The following RPA3 variants were observed in gnomAD, a reference collection of about 807,000 sequenced individuals.
The protein encoded by RPA3 is replication protein A3.
RPA3 carries 24 observed loss-of-function variants against 13.7 expected under a neutral mutation model. The ratio of observed to expected loss-of-function variants is 1.75; its 90% confidence interval spans 1.27 to 2.46. The LOEUF is 2.46. Ranked by LOEUF, RPA3 falls within the 30% of genes most tolerant of loss-of-function variation. RPA3 has a pLI of 0.00. For missense variants in RPA3, 183 were observed against 151.0 expected, an observed-to-expected ratio of 1.21 and a Z score of -1.11; for synonymous variants, 59 against 51.2, an observed-to-expected ratio of 1.15 and a Z score of -0.65.
At chr7:7,683,763 C>G (rs1167340073) in intron 4 of RPA3, among the ~76,000 whole-genome samples, 1 of 152,112 alleles carries the variant, frequency 6.6e-6, no homozygotes, top group Non-Finnish European at 1.5e-5. Flanking sequence ...GCTGGGATTA[C>G]AGGCATGCAC....
chr7:7,659,844 C>A (rs927729765), intron 4 of RPA3, among the ~76,000 whole-genome samples: 7 of 152,064 alleles, frequency 4.6e-5, no homozygotes, highest in African/African-American at 1.7e-4. Context: ...AAGTTCAAGT[C>A]CTGAATATCC....
chr7:7,643,481 C>G (rs1012716459), intron 4 of RPA3, among the ~76,000 whole-genome samples: 6 of 152,294 alleles, frequency 3.9e-5, no homozygotes, highest in African/African-American at 1.4e-4. Flanking sequence ...GAGGCTGAAG[C>G]GGGTGGATCA....
At chr7:7,712,247 A>C (rs1055220615) in intron 2 of RPA3, among the ~76,000 whole-genome samples, 4 of 152,112 alleles carry the variant, frequency 2.6e-5, no homozygotes, top group Non-Finnish European at 5.9e-5. Flanking sequence ...ACTCAAACCT[A>C]CCCACTCTGA....
rs992479746 is a variant in RPA3 at position 7,694,609 on chromosome 7, A to T, written c.-1027-7281T>A. ...TCTGAGTTCAATTATTTTAATTTTT[A>T]GTTCCCACAAATGAGTGAGAATATG... On this transcript the variant is annotated intron_variant, in intron 2 of 7. Transcript: ENST00000223129. Among the ~76,000 whole-genome samples, 21 of 145,666 alleles carry T rather than the reference A, an allele frequency of 1.4e-4. 1 individual carries two copies. The highest frequency in any genetic ancestry group is 9.4e-4 in the Admixed American group (13 of 13,770).
chr7:7,653,022 A>T (rs1352096434), intron 4 of RPA3, among the ~76,000 whole-genome samples: 1 of 152,250 alleles, frequency 6.6e-6, no homozygotes, highest in East Asian at 1.9e-4. Context: ...AGTTGTAAAG[A>T]GGTGTGACCT....
intron 2 of RPA3, among the ~76,000 whole-genome samples, chr7:7,707,350 G>A (rs374387081): frequency 4.6e-5 from 7 of 152,134 alleles, no homozygotes; most frequent in African/African-American, 7.2e-5. Context: ...TTGTAACTAC[G>A]GTACTTTTTG....
intron 4 of RPA3, among the ~76,000 whole-genome samples, chr7:7,674,803 C>A (rs1026027571): frequency 1.3e-5 from 2 of 152,116 alleles, no homozygotes; most frequent in African/African-American, 4.8e-5. Context: ...TTGAATTAGC[C>A]TCGCTAACAG....
At chr7:7,698,363 A>G (rs1583749376) in intron 2 of RPA3, among the ~76,000 whole-genome samples, 2 of 152,274 alleles carry the variant, frequency 1.3e-5, no homozygotes, top group South Asian at 2.1e-4. Context: ...TTCCTGCTGC[A>G]TCTCTGCCAT....
At chr7:7,661,819 G>C (rs1357450456) in intron 4 of RPA3, among the ~76,000 whole-genome samples, 1 of 152,204 alleles carries the variant, frequency 6.6e-6, no homozygotes, top group Admixed American at 6.5e-5. Flanking sequence ...CTGACCCTTA[G>C]CAGAGTTTGA....
chr7:7,673,775 C>G (rs28915983), intron 4 of RPA3, among the ~76,000 whole-genome samples: 2,101 of 151,170 alleles, frequency 0.014, 31 homozygotes, highest in Non-Finnish European at 0.017. Context: ...CAAGTTCTGT[C>G]TTATAAATAG....
intron 4 of RPA3, among the ~76,000 whole-genome samples, chr7:7,656,127 G>A (rs115853900): frequency 0.017 from 2,525 of 151,974 alleles, 67 homozygotes; most frequent in African/African-American, 0.058. Flanking sequence ...GAGCCACTGC[G>A]CCTGGCCAGG....
At chr7:7,645,130 C>T (rs1285587389) in intron 4 of RPA3, among the ~76,000 whole-genome samples, 1 of 151,866 alleles carries the variant, frequency 6.6e-6, no homozygotes, top group African/African-American at 2.4e-5. Flanking sequence ...TAAGAATTTT[C>T]TATCAGTTTT....
At chr7:7,644,624 C>G (rs933879640) in intron 4 of RPA3, among the ~76,000 whole-genome samples, 4 of 152,128 alleles carry the variant, frequency 2.6e-5, no homozygotes, top group Admixed American at 2.6e-4. Flanking sequence ...TGTGATTTGA[C>G]TGTATCACCT....
chr7:7,705,048 C>T (rs1453361192), intron 2 of RPA3, among the ~76,000 whole-genome samples: 4 of 152,096 alleles, frequency 2.6e-5, no homozygotes, highest in African/African-American at 9.7e-5. Context: ...TAACACAGGA[C>T]TACTGACATT....
chr7:7,658,204 T>C (rs918820480), intron 4 of RPA3, among the ~76,000 whole-genome samples: 4 of 151,666 alleles, frequency 2.6e-5, no homozygotes, highest in African/African-American at 9.7e-5. Context: ...CTTAAGGAGA[T>C]TTTGGGCTGA....
chr7:7,709,002 G>A (rs1353286210), intron 2 of RPA3, among the ~76,000 whole-genome samples: 2 of 151,926 alleles, frequency 1.3e-5, no homozygotes, highest in Non-Finnish European at 2.9e-5. Context: ...AGGAAAAGAG[G>A]AGAGGAGGAG....
At chr7:7,687,141 A>G (rs550700466) in intron 3 of RPA3, 87 bp downstream of exon 3, 1 of 152,362 alleles carries the variant, frequency 6.6e-6, no homozygotes, top group Admixed American at 6.5e-5. Flanking sequence ...CCTAAGTAAT[A>G]CAGGTACTGA....
At chr7:7,709,805 C>G (rs1356797703) in intron 2 of RPA3, among the ~76,000 whole-genome samples, 2 of 151,502 alleles carry the variant, frequency 1.3e-5, no homozygotes, top group Non-Finnish European at 2.9e-5. Flanking sequence ...ATAATGAGAA[C>G]ATATTCAGAA....
At position 7,652,380 on chromosome 7, in the gene RPA3, A is replaced by G. The variant is rs927128086; in HGVS notation, c.-757-11205T>C. On this transcript the variant is annotated intron_variant, in intron 4 of 7. Transcript: ENST00000223129. Reference sequence around the variant, plus strand: ...TTTTCAGTTGATATAGTTATTACCAATTTTTTTAGTGTGTTTCTTTACATA... The same window carrying G: ...TTTTCAGTTGATATAGTTATTACCAGTTTTTTTAGTGTGTTTCTTTACATA... 2.6e-5 allele frequency among the ~76,000 whole-genome samples: 4 copies of G among 152,118 alleles called. No individual in the cohort carries two copies. The East Asian group carries it at 7.7e-4, about 29-fold the overall frequency.
Sources: allele counts gnomAD v4.1 joint callset (sites outside exome capture counted in the v4.1 genomes callset), GRCh38; gene constraint gnomAD v4.1.1; transcripts MANE v1.5; gene names NCBI Gene and HGNC (gene_info 2026-07-23, HGNC 2026-07-21).